GRID2: variants seen among roughly 807,000 people sequenced by gnomAD.
GRID2 encodes the protein glutamate ionotropic receptor delta type subunit 2.
GRID2 carries 33 observed loss-of-function variants against 114.8 expected under a neutral mutation model. The observed-to-expected ratio is 0.29, with a 90% CI of 0.22 to 0.38. The LOEUF is 0.38. Ranked by LOEUF, GRID2 falls within the 10% of genes least tolerant of loss-of-function variation. The pLI, the probability that GRID2 is intolerant of heterozygous loss-of-function variation, is 1.00. For missense variants in GRID2, 1,184 were observed against 1,257.7 expected, an observed-to-expected ratio of 0.94 and a Z score of 0.89; for synonymous variants, 505 against 449.9, an observed-to-expected ratio of 1.12 and a Z score of -1.55.
At chr4:92,849,024 C>T (rs1055478564) in intron 2 of GRID2, among the ~76,000 whole-genome samples, 3 of 152,046 alleles carry the variant, frequency 2.0e-5, no homozygotes, top group African/African-American at 4.8e-5. Context: ...TGTGTATACT[C>T]TGTTATAAGA....
chr4:92,527,388 A>C (rs1725095829), intron 1 of GRID2, among the ~76,000 whole-genome samples: 1 of 152,136 alleles, frequency 6.6e-6, no homozygotes. Context: ...GTATGTTTTA[A>C]AATGATAATG....
intron 2 of GRID2, among the ~76,000 whole-genome samples, chr4:92,861,030 C>G (rs1028268141): frequency 6.6e-6 from 1 of 152,048 alleles, no homozygotes; most frequent in African/African-American, 2.4e-5. Context: ...CATTTTAAGT[C>G]TAAGTAAATC....
chr4:92,727,286 C>A (rs1169186412), intron 2 of GRID2, among the ~76,000 whole-genome samples: 1 of 151,924 alleles, frequency 6.6e-6, no homozygotes, highest in Non-Finnish European at 1.5e-5. Context: ...GGTTTCTTTG[C>A]TAACAGAATA....
At chr4:92,344,754 G>C (rs986064001) in intron 1 of GRID2, among the ~76,000 whole-genome samples, 2 of 152,130 alleles carry the variant, frequency 1.3e-5, no homozygotes, top group Non-Finnish European at 2.9e-5. Flanking sequence ...TCAGGTGAAT[G>C]TCCCAAAGAG....
chr4:92,975,213 G>T (rs1484987279), intron 2 of GRID2, among the ~76,000 whole-genome samples: 3 of 143,344 alleles, frequency 2.1e-5, no homozygotes, highest in Non-Finnish European at 4.5e-5. Context: ...ATTTATATAT[G>T]TGCATATATA....
chr4:93,382,886 TCCTAGGAGAAATTTCCTAGGTTTTC>T (rs1560563761), intron 8 of GRID2, among the ~76,000 whole-genome samples: 1 of 96,548 alleles, frequency 1.0e-5, no homozygotes, highest in African/African-American at 8.2e-5. Flanking sequence ...TCCTAGGTTT[TCCTAGGAGAAATTTCCTAGGTTTTC>T]CCCTTTTGTT....
chr4:92,941,952 G>T (rs759215890), intron 2 of GRID2, among the ~76,000 whole-genome samples: 12 of 152,074 alleles, frequency 7.9e-5, no homozygotes, highest in African/African-American at 2.9e-4. Context: ...TATAATTTCT[G>T]TTCTTTTACA....
intron 8 of GRID2, among the ~76,000 whole-genome samples, chr4:93,312,603 C>T (rs1421854536): frequency 6.6e-6 from 1 of 152,148 alleles, no homozygotes; most frequent in Non-Finnish European, 1.5e-5. Flanking sequence ...TAAAATTCAC[C>T]TGAAATGACT....
intron 2 of GRID2, among the ~76,000 whole-genome samples, chr4:92,854,689 G>T (rs1464097695): frequency 6.6e-6 from 1 of 151,824 alleles, no homozygotes; most frequent in East Asian, 1.9e-4. Context: ...CAATAGTAAA[G>T]TTTTACGAAC....
At chr4:92,396,374 C>G (rs151145761) in intron 1 of GRID2, among the ~76,000 whole-genome samples, 1 of 151,870 alleles carries the variant, frequency 6.6e-6, no homozygotes, top group South Asian at 2.1e-4. Context: ...ATAAATTCAG[C>G]GAAACAAATG....
chr4:93,650,420 C>A (rs1430044312), intron 14 of GRID2, among the ~76,000 whole-genome samples: 1 of 151,868 alleles, frequency 6.6e-6, no homozygotes, highest in Non-Finnish European at 1.5e-5. Flanking sequence ...GTTGAGCAAC[C>A]TCTGTCAATC....
chr4:93,460,973 C>T (rs1180998524), intron 11 of GRID2, among the ~76,000 whole-genome samples: 1 of 152,146 alleles, frequency 6.6e-6, no homozygotes, highest in Admixed American at 6.6e-5. Context: ...TTTCTGAATT[C>T]TTCCTCCAAG....
At chr4:92,741,585 T>C (rs1736895467) in intron 2 of GRID2, among the ~76,000 whole-genome samples, 1 of 152,182 alleles carries the variant, frequency 6.6e-6, no homozygotes, top group African/African-American at 2.4e-5. Flanking sequence ...TTCATCCCTT[T>C]AAAATCACTC....
intron 3 of GRID2, among the ~76,000 whole-genome samples, chr4:93,091,817 A>C (rs1730817943): frequency 6.6e-6 from 1 of 152,166 alleles, no homozygotes; most frequent in South Asian, 2.1e-4. Context: ...AAGAAACTCC[A>C]GGAGACTGAA....
At chr4:92,962,326 A>G (rs1318976149) in intron 2 of GRID2, among the ~76,000 whole-genome samples, 1 of 151,862 alleles carries the variant, frequency 6.6e-6, no homozygotes, top group East Asian at 1.9e-4. Flanking sequence ...GTCCTTAATC[A>G]TAGGTCTGGT....
At chr4:93,467,372 A>T (rs1033580248) in intron 11 of GRID2, among the ~76,000 whole-genome samples, 5 of 152,186 alleles carry the variant, frequency 3.3e-5, no homozygotes, top group African/African-American at 1.2e-4. Flanking sequence ...TCAGCAACCA[A>T]TTTTTGCCTA....
intron 2 of GRID2, among the ~76,000 whole-genome samples, chr4:92,698,166 C>T (rs1734507854): frequency 6.6e-6 from 1 of 151,994 alleles, no homozygotes; most frequent in East Asian, 1.9e-4. Context: ...TGCCTAAGAT[C>T]CTTGGCTTGG....
At chr4:93,758,746 CA>C (rs1358023362) in intron 14 of GRID2, among the ~76,000 whole-genome samples, 1 of 152,056 alleles carries the variant, frequency 6.6e-6, no homozygotes, top group Non-Finnish European at 1.5e-5. Flanking sequence ...ATACACAAAG[CA>C]AAATAAGTTT....
intron 2 of GRID2, among the ~76,000 whole-genome samples, chr4:92,616,288 A>G (rs568870483): frequency 6.6e-6 from 1 of 151,240 alleles, no homozygotes; most frequent in Middle Eastern, 3.4e-3. Context: ...TTATTTGTTT[A>G]AGCAGTGTCT....
Sources: allele counts gnomAD v4.1 joint callset (sites outside exome capture counted in the v4.1 genomes callset), GRCh38; gene constraint gnomAD v4.1.1; transcripts MANE v1.5; gene names NCBI Gene and HGNC (gene_info 2026-07-23, HGNC 2026-07-21).